ADCY1: variants seen among roughly 807,000 people sequenced by gnomAD.
The protein encoded by ADCY1 is adenylate cyclase 1, also known as adenylate cyclase type 1.
Under a neutral mutation model 105.4 loss-of-function variants are expected in ADCY1, and 28 were observed. The ratio of observed to expected loss-of-function variants is 0.27; its 90% CI spans 0.20 to 0.36. The LOEUF (loss-of-function observed/expected upper bound fraction) is 0.36, where lower values mean the gene tolerates loss of function less well. Ranked by LOEUF, ADCY1 falls within the 10% of genes least tolerant of loss-of-function variation. The probability of loss-of-function intolerance (pLI) is 1.00; values close to 1 mark genes in which losing one functional copy is unlikely to be tolerated. For synonymous variants in ADCY1, 655 were observed against 623.8 expected (o/e 1.05, Z -0.75); for missense variants, 977 against 1,434.2 (o/e 0.68, Z 5.15).
At chr7:45,680,514 C>T (rs1331231584) in intron 11 of ADCY1, 2 of 152,236 alleles carry the variant, frequency 1.3e-5, no homozygotes, top group African/African-American at 2.4e-5. Flanking sequence ...CTGGCAGACC[C>T]AGTGTTATAT....
At chr7:45,627,576 A>T (rs1794098657) in intron 4 of ADCY1, among the ~76,000 whole-genome samples, 1 of 151,804 alleles carries the variant, frequency 6.6e-6, no homozygotes, top group South Asian at 2.1e-4. Flanking sequence ...TGGATTCTAG[A>T]CTCCTTGGCC....
intron 1 of ADCY1, among the ~76,000 whole-genome samples, chr7:45,586,742 C>T (rs540977048): frequency 8.1e-4 from 123 of 152,308 alleles, no homozygotes; most frequent in African/African-American, 2.9e-3. Context: ...GGGAGGGGGA[C>T]AGAGGGACCA....
In ADCY1 at chr7:45,676,805, C is replaced by T. The variant is rs540643642; in HGVS notation, c.1606-1064C>T. Among the ~76,000 whole-genome samples the T allele has an allele frequency of 2.7e-5, 4 of 149,518 alleles. No homozygotes were observed. The East Asian group carries it at 5.9e-4, about 22-fold the overall frequency. On this transcript the variant is annotated intron_variant, in intron 8 of 19. Transcript: ENST00000297323. ...TCAAAGTCGAGGCTCCCCACATGGT[C>T]TTTGCTGGCCTGGGTGGAGCTGGGG... is the stretch of plus-strand genomic sequence containing the variant.
chr7:45,575,146 C>T lies in ADCY1; in HGVS notation c.603C>T (p.Thr201=), dbSNP rs2115679315. The T allele has an allele frequency of 6.2e-7, 1 of 1,609,596 alleles. No individual in the cohort carries two copies. ...CGTCGCACTTGCTGGTCACAGCCACCTTGGTCCCCGCCAAGCGCCCACGTC... is the reference window on the plus strand; with the variant it reads ...CGTCGCACTTGCTGGTCACAGCCACTTTGGTCCCCGCCAAGCGCCCACGTC... The part of the protein sequence containing the change: ...VAASHLLVTA[T]LVPAKRPRLW... The change falls in exon 1 of 20, where the codon ACC becomes ACT. Residue 201 remains threonine (T), a synonymous_variant. Transcript: ENST00000297323. This position sits in a 1 kb window ranked among gnomAD's most constrained non-coding sequence, Gnocchi z 4.7.
At position 45,610,495 on chromosome 7, in the gene ADCY1, G is replaced by T. The variant is rs375317528; in HGVS notation, c.906G>T (p.Val302=). ...TTTACATCCAGAGGCACGACAATGT[G>T]AGGTAGGGCTGGTGCTGACCCGGCA... ...HKIYIQRHDN[V]SILFADIVGF... The change falls in exon 3 of 20, where the codon GTG becomes GTT. Residue 302 remains valine, a splice_region_variant and synonymous_variant. Coordinates refer to ENST00000297323, the MANE Select transcript of ADCY1 (RefSeq NM_021116.4). The T allele has an allele frequency of 3.1e-6, 5 of 1,613,366 alleles. No homozygotes were observed. The highest frequency in any genetic ancestry group is 4.2e-6 in the Non-Finnish European group (5 of 1,179,600).
chr7:45,580,231 C>T (rs992155792), intron 1 of ADCY1, among the ~76,000 whole-genome samples: 3 of 152,206 alleles, frequency 2.0e-5, no homozygotes, highest in East Asian at 3.9e-4. Flanking sequence ...TTTCTCTGCC[C>T]CTCCACAATG....
At position 45,678,007 on chromosome 7, in the gene ADCY1, A is replaced by G. The variant is rs1222816603; in HGVS notation, c.1744A>G (p.Met582Val). The G allele has an allele frequency of 1.2e-6, 2 of 1,614,108 alleles. No homozygotes were observed. The highest frequency in any genetic ancestry group is 2.2e-5 in the South Asian group (2 of 91,058). The change falls in exon 9 of 20, where the codon ATG becomes GTG. Residue 582 changes from methionine to valine, a missense_variant. Met to Val is a conservative substitution (Grantham distance 21). Around this residue, in one of 7 missense-constraint regions of ADCY1, gnomAD observed 275 missense variants for 362.1 expected, o/e 0.76. Coordinates refer to ENST00000297323, the MANE Select transcript of ADCY1 (RefSeq NM_021116.4). Reference protein sequence around the residue: ...LLEARQTELEMADLNFFTLKY... With the variant: ...LLEARQTELEVADLNFFTLKY... ...AGAAGCCCGCCAGACAGAGCTGGAG[A>G]TGGCAGACCTGAACTTCTTTACCCT...
rs537568738 is a variant in ADCY1 at position 45,649,707 on chromosome 7, G to A, written c.1148+910G>A. The stretch of plus-strand genomic sequence containing the variant: ...AGTGTGACTGGAAGGAGGCGGTTGG[G>A]AGGAGGCTGGTACCTCAAGCATTGT... On this transcript the variant is annotated intron_variant, in intron 5 of 19. Transcript: ENST00000297323. Among the ~76,000 whole-genome samples, 16 of 152,336 alleles carry A rather than the reference G, an allele frequency of 1.1e-4. No homozygotes were observed. The East Asian group carries it at 2.5e-3, about 24-fold the overall frequency.
At chr7:45,622,534 T>C (rs1793930801) in intron 3 of ADCY1, 98 bp from the exon 4 acceptor site, 3 of 853,848 alleles carry the variant, frequency 3.5e-6, no homozygotes, top group Admixed American at 2.0e-5. Context: ...GGGTGATTGA[T>C]TCTACAGTGA....
rs1459858623 is a variant in ADCY1, at chr7:45,591,151, C to T, written c.640-1608C>T. Among the ~76,000 whole-genome samples, 2 of 152,168 alleles carry T rather than the reference C, an allele frequency of 1.3e-5. No homozygotes were observed. The highest frequency in any genetic ancestry group is 4.8e-5 in the African/African-American group (2 of 41,432). On this transcript the variant is annotated intron_variant, in intron 1 of 19. Transcript: ENST00000297323. This position sits in a 1 kb window ranked among gnomAD's most constrained non-coding sequence, Gnocchi z 4.1. ...GATGTGCCTTTGAGGCTATGTCATA[C>T]ACCTCAGGTTTGAAGGTGCTCCAAA...
At chr7:45,630,900 G>A (rs111999446) in intron 4 of ADCY1, among the ~76,000 whole-genome samples, 3 of 151,996 alleles carry the variant, frequency 2.0e-5, no homozygotes, top group South Asian at 2.1e-4. Flanking sequence ...TGGGGGTCTC[G>A]GGAGGCATGG....
chr7:45,608,744 T>C (rs993251896), intron 2 of ADCY1, among the ~76,000 whole-genome samples: 1 of 152,056 alleles, frequency 6.6e-6, no homozygotes, highest in Non-Finnish European at 1.5e-5. Context: ...TTTCAATTCC[T>C]CAGAAAGTGG....
At chr7:45,614,162 A>G (rs999917403) in intron 3 of ADCY1, among the ~76,000 whole-genome samples, 1 of 152,228 alleles carries the variant, frequency 6.6e-6, no homozygotes, top group Non-Finnish European at 1.5e-5. Flanking sequence ...TTATTCTAGC[A>G]TAAAAGTTAA....
chr7:45,674,643 ATT>A (rs1784423857), intron 8 of ADCY1, among the ~76,000 whole-genome samples: 2 of 152,188 alleles, frequency 1.3e-5, no homozygotes, highest in Non-Finnish European at 2.9e-5. Flanking sequence ...AAGTGCTGGG[ATT>A]ACAGGCGTGA....
At chr7:45,713,280 C>A (rs971063725) in intron 19 of ADCY1, among the ~76,000 whole-genome samples, 2 of 152,212 alleles carry the variant, frequency 1.3e-5, no homozygotes, top group African/African-American at 4.8e-5. Flanking sequence ...TGCATGGAGC[C>A]ACCATGGAAG....
At chr7:45,593,030 A>G (rs962942519) in intron 2 of ADCY1, 122 bp downstream of exon 2, 59 of 1,369,536 alleles carry the variant, frequency 4.3e-5, no homozygotes, top group Non-Finnish European at 5.3e-5. Context: ...CCATTGGTAC[A>G]TGTTGGTATT....
intron 8 of ADCY1, chr7:45,664,460 G>A (rs945929732): frequency 1.2e-5 from 19 of 1,523,500 alleles, no homozygotes; most frequent in Middle Eastern, 2.0e-4. Flanking sequence ...GGGCATTCAC[G>A]CCAGCTCTGT....
chr7:45,596,514 G>A (rs1166736398), intron 2 of ADCY1, among the ~76,000 whole-genome samples: 3 of 152,154 alleles, frequency 2.0e-5, no homozygotes, highest in East Asian at 1.9e-4. Flanking sequence ...CCTTGGTTTC[G>A]GGATGGGATC....
intron 1 of ADCY1, among the ~76,000 whole-genome samples, chr7:45,585,648 A>G (rs12669591): frequency 2.0e-3 from 311 of 152,112 alleles, no homozygotes; most frequent in East Asian, 0.011. Context: ...GGGTTTCTCC[A>G]TGTTGGTCAG....
Sources: allele counts gnomAD v4.1 joint callset (sites outside exome capture counted in the v4.1 genomes callset), GRCh38; gene constraint gnomAD v4.1.1; regional missense constraint gnomAD v4.1.1; non-coding constraint Gnocchi (gnomAD v3.1); transcripts MANE v1.5; gene names NCBI Gene and HGNC (gene_info 2026-07-23, HGNC 2026-07-21).